The following ATL2 variants were observed in gnomAD, a reference collection of about 807,000 sequenced individuals.
ATL2 encodes the protein atlastin GTPase 2.
ATL2 carries 31 observed loss-of-function variants against 73.9 expected under a neutral mutation model. That is an observed-to-expected ratio of 0.42 (90% confidence interval 0.32 to 0.57). ATL2 has a LOEUF of 0.57. Among genes scored for constraint, ATL2 ranks in the 20% least tolerant of loss-of-function variants. ATL2 has a pLI of 0.14. For missense variants in ATL2, 738 were observed against 702.6 expected (o/e 1.05, Z -0.57); for synonymous variants, 291 against 237.5 (o/e 1.23, Z -2.07).
At chr2:38,369,259 G>A (rs1427260357) in intron 1 of ATL2, among the ~76,000 whole-genome samples, 1 of 151,836 alleles carries the variant, frequency 6.6e-6, no homozygotes, top group Middle Eastern at 3.2e-3. Flanking sequence ...AGACCAGCCT[G>A]ACCAACATAG....
At chr2:38,361,284 G>A (rs1486617315) in intron 1 of ATL2, among the ~76,000 whole-genome samples, 2 of 150,794 alleles carry the variant, frequency 1.3e-5, no homozygotes, top group African/African-American at 4.9e-5. Flanking sequence ...AACCCGGGAG[G>A]TGGAGCCTGC....
At chr2:38,303,202 C>T (rs1275351126) in intron 9 of ATL2, among the ~76,000 whole-genome samples, 3 of 152,070 alleles carry the variant, frequency 2.0e-5, no homozygotes, top group East Asian at 1.9e-4. Flanking sequence ...GCATCCAAAC[C>T]TCTTTTTTAT....
In ATL2 at chr2:38,315,298, G is replaced by T; in HGVS notation, c.640C>A (p.Leu214Ile). 6.7e-7 allele frequency: 1 copy of T among 1,490,548 alleles called. No homozygotes were observed. The allele number at this position is 1,490,548 out of a possible 1,614,324, so 92.3% of individuals were successfully genotyped here. Reference sequence around the variant, plus strand: ...GAAATACGTACTTGCAAATGTTGAAGATCATCTTCTTGAATATTCTGAGAC... The same window carrying T: ...GAAATACGTACTTGCAAATGTTGAATATCATCTTCTTGAATATTCTGAGAC... ...NLSQNIQEDD[L>I]QHLQLFTEYG... The change falls in exon 5 of 13, where the codon CTT becomes ATT. Residue 214 changes from leucine to isoleucine, a missense_variant. Coordinates refer to ENST00000378954, the MANE Select transcript of ATL2 (RefSeq NM_001135673.4).
intron 1 of ATL2, among the ~76,000 whole-genome samples, chr2:38,365,730 C>A (rs986820380): frequency 1.3e-5 from 2 of 151,994 alleles, no homozygotes; most frequent in African/African-American, 2.4e-5. Flanking sequence ...ACCCTGGAAG[C>A]AGAGGTTGTA....
At chr2:38,352,453 G>C (rs573261600) in intron 1 of ATL2, among the ~76,000 whole-genome samples, 1 of 152,158 alleles carries the variant, frequency 6.6e-6, no homozygotes, top group Admixed American at 6.5e-5. Flanking sequence ...TAACTATAGA[G>C]TGAAGAACTA....
At chr2:38,363,603 C>T (rs1298194561) in intron 1 of ATL2, among the ~76,000 whole-genome samples, 1 of 152,102 alleles carries the variant, frequency 6.6e-6, no homozygotes, top group African/African-American at 2.4e-5. Flanking sequence ...GCAAGATAAG[C>T]ACATATATTT....
chr2:38,310,361 T>A lies in ATL2; in HGVS notation c.891A>T (p.Pro297=). The change falls in exon 8 of 13, where the codon CCA becomes CCT. Residue 297 remains proline (P), a synonymous_variant. Coordinates refer to ENST00000378954, the MANE Select transcript of ATL2 (RefSeq NM_001135673.4). ...CFSNLGCFLL[P]HPGLKVATNP... is the part of the protein sequence containing the mutation. ...TAGTTGCAACTTTAAGACCAGGATG[T>A]GGCAAAAGGAAGCAACCAAGATTTG... is the stretch of plus-strand genomic sequence containing the variant. The A allele has an allele frequency of 6.2e-7, 1 of 1,611,164 alleles. No homozygotes were observed. Among genetic ancestry groups the A allele is most frequent in the Non-Finnish European group, 8.5e-7 (1 of 1,178,898 alleles).
At chr2:38,354,176 CTCT>C (rs762200343) in intron 1 of ATL2, 49 of 400,432 alleles carry the variant, frequency 1.2e-4, no homozygotes, top group Non-Finnish European at 2.1e-4. Flanking sequence ...CAGAGCAAGA[CTCT>C]GTCTCAAAAA....
Position 38,377,237 on chromosome 2 carries a change from C to T in ATL2, c.24G>A (p.Ala8=). 1.9e-6 allele frequency: 3 copies of T among 1,598,384 alleles called. No homozygotes were observed. Among genetic ancestry groups the T allele is most frequent in the East Asian group, 2.3e-5 (1 of 44,204 alleles). MAEGDEA[A]RGQQPHQGLW... ...GCCCCTGGTGCGGTTGCTGCCCTCGCGCTGCCTCGTCCCCCTCCGCCATCT... is the reference window on the plus strand; with the variant it reads ...GCCCCTGGTGCGGTTGCTGCCCTCGTGCTGCCTCGTCCCCCTCCGCCATCT... Residue 8 remains alanine, a synonymous_variant, in exon 1 of 13, where the codon GCG becomes GCA. Transcript: ENST00000378954.
rs1471141286 is a variant in ATL2 at position 38,361,520 on chromosome 2, G to A, written c.118+15623C>T. 3.3e-5 allele frequency among the ~76,000 whole-genome samples: 5 copies of A among 152,130 alleles called. No individual in the cohort carries two copies. In the East Asian group the frequency reaches 9.6e-4, roughly 29 times the overall value. ...AGCATACACCACTTTCAGGACAGGT[G>A]CATATCTACGAAGAAAGGGTAAAAG... On this transcript the variant is annotated intron_variant, in intron 1 of 12. Transcript: ENST00000378954.
chr2:38,335,241 C>T (rs1419140388), intron 2 of ATL2, among the ~76,000 whole-genome samples: 1 of 151,936 alleles, frequency 6.6e-6, no homozygotes, highest in Non-Finnish European at 1.5e-5. Flanking sequence ...AATTCTACTC[C>T]TGGGTATAAA....
At position 38,295,684 on chromosome 2, in the gene ATL2, T is replaced by A. The variant is rs1336955823; in HGVS notation, c.*310A>T. 5.6e-6 allele frequency: 1 copy of A among 178,864 alleles called. No homozygotes were observed. The highest frequency in any genetic ancestry group is 1.2e-5 in the Non-Finnish European group (1 of 85,634). The allele number at this position is 178,864 out of a possible 1,614,324, so 11.1% of individuals were successfully genotyped here. A position where few individuals can be genotyped will look rare whatever the true frequency, so the allele number is the denominator to read the frequency against. On this transcript the variant is annotated 3_prime_UTR_variant, in exon 13 of 13. Transcript: ENST00000378954. ...AAATAGATTTCTGAAAATATTTCCC[T>A]GAAATATCCTTTTACATAAGACAAA... is the stretch of plus-strand genomic sequence containing the variant.
intron 2 of ATL2, among the ~76,000 whole-genome samples, chr2:38,342,666 C>T (rs935147306): frequency 1.2e-4 from 18 of 152,124 alleles, no homozygotes; most frequent in Non-Finnish European, 2.4e-4. Context: ...CTACTTTACT[C>T]ACTGTAAAGG....
intron 1 of ATL2, chr2:38,376,213 T>A (rs1452505385): frequency 6.6e-7 from 1 of 1,507,864 alleles, no homozygotes; most frequent in Non-Finnish European, 8.9e-7. Context: ...TGCGATCAAT[T>A]CGCACCACAG....
At chr2:38,336,381 A>G (rs1669357272) in intron 2 of ATL2, among the ~76,000 whole-genome samples, 1 of 152,252 alleles carries the variant, frequency 6.6e-6, no homozygotes, top group Admixed American at 6.5e-5. Flanking sequence ...TTAAAATGCC[A>G]TTACCAAATA....
chr2:38,327,165 C>T (rs1326927335), intron 2 of ATL2, among the ~76,000 whole-genome samples: 3 of 151,672 alleles, frequency 2.0e-5, no homozygotes, highest in East Asian at 1.9e-4. Flanking sequence ...GTCGCCAATA[C>T]GTCAGCAAAA....
At chr2:38,362,664 C>T (rs1203574072) in intron 1 of ATL2, among the ~76,000 whole-genome samples, 4 of 152,186 alleles carry the variant, frequency 2.6e-5, no homozygotes, top group Non-Finnish European at 2.9e-5. Flanking sequence ...AGTCACTGAA[C>T]ACCTACAACA....
intron 1 of ATL2, among the ~76,000 whole-genome samples, chr2:38,360,900 C>T (rs1274318146): frequency 6.6e-6 from 1 of 151,558 alleles, no homozygotes; most frequent in African/African-American, 2.4e-5. Flanking sequence ...AAACATGGTT[C>T]CTTGTTCACC....
At chr2:38,315,188 T>C in intron 5 of ATL2, 96 bp downstream of exon 5, 2 of 1,216,364 alleles carry the variant, frequency 1.6e-6, no homozygotes, top group Non-Finnish European at 2.1e-6. Context: ...GAGGGGGAGG[T>C]TGCAGTGAAC....
Sources: gnomAD v4.1 joint callset for allele counts (sites outside exome capture counted in the v4.1 genomes callset) on GRCh38, gnomAD v4.1.1 for gene constraint, MANE v1.5 for transcripts, NCBI Gene and HGNC (gene_info 2026-07-23, HGNC 2026-07-21) for gene names.